The following MED12L variants were observed in gnomAD, a reference collection of about 807,000 sequenced individuals.
The protein encoded by MED12L is mediator of RNA polymerase II transcription subunit 12-like protein.
A neutral mutation model predicts 281.3 loss-of-function variants in MED12L; 60 were observed. The ratio of observed to expected loss-of-function variants is 0.21; its 90% CI spans 0.17 to 0.26. The LOEUF (loss-of-function observed/expected upper bound fraction) is 0.26. Ranked by LOEUF, MED12L falls within the 10% of genes least tolerant of loss-of-function variation. MED12L has a pLI of 1.00. For synonymous variants in MED12L, 974 were observed against 987.2 expected, an observed-to-expected ratio of 0.99 and a Z score of 0.25; for missense variants, 2,146 against 2,680.9, an observed-to-expected ratio of 0.80 and a Z score of 4.41.
intron 16 of MED12L, among the ~76,000 whole-genome samples, chr3:151,216,615 G>A (rs1381410490): frequency 6.6e-6 from 1 of 152,174 alleles, no homozygotes; most frequent in African/African-American, 2.4e-5. Flanking sequence ...TAGAAGGAAT[G>A]AGTACCCCAA....
At chr3:151,206,327 T>C (rs535365054) in intron 16 of MED12L, among the ~76,000 whole-genome samples, 1 of 152,118 alleles carries the variant, frequency 6.6e-6, no homozygotes, top group African/African-American at 2.4e-5. Context: ...CAAATTTGTT[T>C]TTTTCACATT....
intron 16 of MED12L, among the ~76,000 whole-genome samples, chr3:151,318,979 C>G (rs185341617): frequency 6.6e-6 from 1 of 152,086 alleles, no homozygotes. Flanking sequence ...GCAACGTGCC[C>G]GGGACGGTAG....
chr3:151,369,580 T>C (rs754221631), intron 26 of MED12L, 31 bp downstream of exon 26: 1 of 1,412,424 alleles, frequency 7.1e-7, no homozygotes, highest in Non-Finnish European at 9.8e-7. Context: ...AGCTTCTTGG[T>C]TAATCACCAG....
chr3:151,319,959 A>G (rs1748800121), intron 16 of MED12L, among the ~76,000 whole-genome samples: 1 of 152,192 alleles, frequency 6.6e-6, no homozygotes, highest in Non-Finnish European at 1.5e-5. Flanking sequence ...TAAAATAGGT[A>G]AGATTACTCA....
intron 43 of MED12L, among the ~76,000 whole-genome samples, chr3:151,423,407 C>T (rs907140970): frequency 1.3e-5 from 2 of 152,092 alleles, no homozygotes; most frequent in South Asian, 2.1e-4. Context: ...TTCTTTAAAA[C>T]GTGTCACCAG....
chr3:151,265,401 C>T (rs1489806310), intron 16 of MED12L, among the ~76,000 whole-genome samples: 6 of 152,184 alleles, frequency 3.9e-5, no homozygotes, highest in African/African-American at 7.2e-5. Context: ...GTTTCACAGA[C>T]TGATTTCTCT....
intron 16 of MED12L, chr3:151,295,393 T>G (rs1040033872): frequency 5.2e-6 from 3 of 580,496 alleles, no homozygotes; most frequent in Non-Finnish European, 9.2e-6. Flanking sequence ...AGTGACCTTC[T>G]CTCACTACCC....
intron 11 of MED12L, among the ~76,000 whole-genome samples, chr3:151,168,968 G>A (rs1721052272): frequency 6.6e-6 from 1 of 152,018 alleles, no homozygotes; most frequent in Admixed American, 6.6e-5. Context: ...GAGCCAGTGT[G>A]CCTGGACTAA....
chr3:151,272,722 C>A (rs6440732), intron 16 of MED12L, among the ~76,000 whole-genome samples: 133,671 of 152,106 alleles, frequency 0.88, 58,979 homozygotes, highest in African/African-American at 0.97. Context: ...GTGGATATGG[C>A]TTGAAGTGTG....
At chr3:151,175,722 T>C (rs1228473668) in intron 11 of MED12L, among the ~76,000 whole-genome samples, 1 of 152,232 alleles carries the variant, frequency 6.6e-6, no homozygotes, top group African/African-American at 2.4e-5. Flanking sequence ...ATTACGGAAT[T>C]AGGCCTAATC....
intron 11 of MED12L, among the ~76,000 whole-genome samples, chr3:151,167,671 C>T (rs1309956247): frequency 2.0e-5 from 3 of 152,138 alleles, no homozygotes; most frequent in Non-Finnish European, 4.4e-5. Flanking sequence ...AAATTCATCG[C>T]GAGTTCAGTA....
At chr3:151,183,376 A>G (rs1321960554) in intron 11 of MED12L, among the ~76,000 whole-genome samples, 1 of 152,188 alleles carries the variant, frequency 6.6e-6, no homozygotes, top group Non-Finnish European at 1.5e-5. Context: ...GTGCCTTCCT[A>G]TCCCTAGCAG....
At chr3:151,125,018 C>A (rs1199782738) in intron 4 of MED12L, among the ~76,000 whole-genome samples, 3 of 152,210 alleles carry the variant, frequency 2.0e-5, no homozygotes, top group African/African-American at 7.2e-5. Flanking sequence ...TGAAAGCCAG[C>A]ACATGCTAGG....
chr3:151,381,597 C>T (rs143107835), intron 32 of MED12L, among the ~76,000 whole-genome samples: 1 of 152,338 alleles, frequency 6.6e-6, no homozygotes, highest in East Asian at 1.9e-4. Context: ...CTGCTCCCTT[C>T]ATTCAGTTCT....
chr3:151,329,409 G>A (rs540656328), intron 16 of MED12L: 301 of 918,616 alleles, frequency 3.3e-4, no homozygotes, highest in Non-Finnish European at 4.6e-4. Flanking sequence ...TAACTTTAAA[G>A]CACCTTTTTT....
chr3:151,248,520 C>T (rs1019098502), intron 16 of MED12L, among the ~76,000 whole-genome samples: 3 of 152,148 alleles, frequency 2.0e-5, no homozygotes, highest in Non-Finnish European at 4.4e-5. Flanking sequence ...CCCAGCTGTA[C>T]TGGTCCACTT....
At chr3:151,291,154 T>G (rs1209298329) in intron 16 of MED12L, among the ~76,000 whole-genome samples, 3 of 58,204 alleles carry the variant, frequency 5.2e-5, no homozygotes, top group East Asian at 1.9e-3. Flanking sequence ...TTTTCTGTTT[T>G]TTTTTTTTTT....
intron 16 of MED12L, among the ~76,000 whole-genome samples, chr3:151,322,259 C>T (rs945530065): frequency 6.6e-6 from 1 of 152,190 alleles, no homozygotes; most frequent in African/African-American, 2.4e-5. Context: ...GATCATGGCC[C>T]ACTGCAACCT....
intron 24 of MED12L, 63 bp from the exon 25 acceptor site, chr3:151,368,086 GA>G (rs1755511177): frequency 1.6e-6 from 2 of 1,287,852 alleles, no homozygotes; most frequent in African/African-American, 3.0e-5. Flanking sequence ...AGCTTAATAG[GA>G]AACCTGAAGG....
Sources: gnomAD v4.1 joint callset for allele counts (sites outside exome capture counted in the v4.1 genomes callset) on GRCh38, gnomAD v4.1.1 for gene constraint, MANE v1.5 for transcripts, NCBI Gene and HGNC (gene_info 2026-07-23, HGNC 2026-07-21) for gene names.